Variants in CSNK1A1 observed in about 807,000 individuals in gnomAD.
The protein encoded by CSNK1A1 is casein kinase I isoform alpha.
Under a neutral mutation model 46.1 loss-of-function variants are expected in CSNK1A1, and 7 were observed. The observed-to-expected ratio is 0.15, with a 90% CI of 0.09 to 0.29. The LOEUF is 0.29. Among genes scored for constraint, CSNK1A1 ranks in the 10% least tolerant of loss-of-function variants. CSNK1A1 has a pLI of 1.00. For synonymous variants in CSNK1A1, 137 were observed against 141.5 expected (o/e 0.97, Z 0.23); for missense variants, 96 against 417.1 (o/e 0.23, Z 6.71).
intron 4 of CSNK1A1, among the ~76,000 whole-genome samples, chr5:149,515,317 A>G (rs1330433985): frequency 6.6e-6 from 1 of 152,212 alleles, no homozygotes; most frequent in African/African-American, 2.4e-5. Flanking sequence ...CTAAATCTAC[A>G]TTCAATAGCT....
intron 2 of CSNK1A1, among the ~76,000 whole-genome samples, chr5:149,533,932 C>T (rs373003013): frequency 3.9e-5 from 6 of 152,078 alleles, no homozygotes; most frequent in East Asian, 3.9e-4. Context: ...CTAGGGCTGA[C>T]GGGAAATGGA....
chr5:149,539,918 G>A (rs1762177957), intron 2 of CSNK1A1, among the ~76,000 whole-genome samples: 1 of 152,166 alleles, frequency 6.6e-6, no homozygotes, highest in East Asian at 1.9e-4. Context: ...GAGACCGTAT[G>A]CAATGCCTGG....
chr5:149,510,084 T>A, intron 6 of CSNK1A1, 131 bp from the exon 7 acceptor site: 2 of 607,194 alleles, frequency 3.3e-6, no homozygotes, highest in Non-Finnish European at 5.3e-6. Flanking sequence ...ATTTAAAAAA[T>A]CAAAGTATAA....
chr5:149,529,234 TA>T (rs1189749445), intron 2 of CSNK1A1, among the ~76,000 whole-genome samples: 1 of 152,138 alleles, frequency 6.6e-6, no homozygotes, highest in Non-Finnish European at 1.5e-5. Flanking sequence ...CAGTGTTACC[TA>T]AAACTAGGCT....
At chr5:149,545,364 C>T (rs538006797) in intron 2 of CSNK1A1, 18 of 428,150 alleles carry the variant, frequency 4.2e-5, no homozygotes, top group Non-Finnish European at 6.4e-5. Flanking sequence ...TCTGTCCTCA[C>T]GTTGGCAGAC....
At chr5:149,516,094 T>C (rs527545902) in intron 4 of CSNK1A1, among the ~76,000 whole-genome samples, 7 of 152,100 alleles carry the variant, frequency 4.6e-5, no homozygotes, top group Non-Finnish European at 1.0e-4. Context: ...CCAAGGCAGG[T>C]GGATCACTTG....
At chr5:149,545,286 T>G (rs1762441409) in intron 2 of CSNK1A1, 2 of 266,504 alleles carry the variant, frequency 7.5e-6, no homozygotes, top group African/African-American at 2.2e-5. Flanking sequence ...TCAGGTTTAT[T>G]TGTACTAATA....
intron 7 of CSNK1A1, among the ~76,000 whole-genome samples, chr5:149,508,125 A>T (rs1761093835): frequency 6.6e-6 from 1 of 152,178 alleles, no homozygotes; most frequent in Admixed American, 6.5e-5. Context: ...CAACCTTATG[A>T]TTGTAGAGTT....
At chr5:149,507,192 A>G (rs1271286418) in intron 7 of CSNK1A1, 59 bp from the exon 8 acceptor site, 3 of 1,326,740 alleles carry the variant, frequency 2.3e-6, no homozygotes, top group East Asian at 2.4e-5. Context: ...AGAAAAATAA[A>G]TGCATTTAAG....
intron 2 of CSNK1A1, among the ~76,000 whole-genome samples, chr5:149,537,145 G>A (rs1388259943): frequency 6.6e-6 from 1 of 152,170 alleles, no homozygotes; most frequent in East Asian, 1.9e-4. Context: ...GGAGGCTGAG[G>A]CAGGTGGATC....
At chr5:149,499,011 T>C in intron 9 of CSNK1A1, 2 of 985,450 alleles carry the variant, frequency 2.0e-6, no homozygotes, top group Non-Finnish European at 2.4e-6. Flanking sequence ...CAAATCCAGC[T>C]TTAACTCTTC....
At chr5:149,516,346 C>A (rs527687023) in intron 4 of CSNK1A1, among the ~76,000 whole-genome samples, 2 of 151,578 alleles carry the variant, frequency 1.3e-5, no homozygotes, top group Non-Finnish European at 2.9e-5. Flanking sequence ...AAAAACCCCC[C>A]AAAAAAAACA....
intron 2 of CSNK1A1, chr5:149,529,461 C>A: frequency 4.3e-6 from 1 of 230,380 alleles, no homozygotes; most frequent in Non-Finnish European, 8.9e-6. Flanking sequence ...GTCAATGAGG[C>A]TGACAAAAAA....
At chr5:149,498,497 A>G in intron 9 of CSNK1A1, 1 of 985,354 alleles carries the variant, frequency 1.0e-6, no homozygotes, top group Non-Finnish European at 1.2e-6. Context: ...AAATACAGGA[A>G]AAGTTTCAAG....
rs201948041 is a variant in CSNK1A1, at chr5:149,505,418, G to A, written c.1006+29C>T. The A allele has an allele frequency of 4.0e-3, 6,323 of 1,592,494 alleles. 10 individuals carry two copies. The highest frequency in any genetic ancestry group is 4.6e-3 in the Non-Finnish European group (5,425 of 1,167,030). The stretch of plus-strand genomic sequence containing the variant: ...CAATTTTGTATTCAATTTTTTCCCT[G>A]TAACGTCACTTGGTTCTTGGCTACT... On this transcript the variant is annotated intron_variant, in intron 9 of 9. Transcript: ENST00000377843.
intron 2 of CSNK1A1, among the ~76,000 whole-genome samples, chr5:149,539,468 T>TA (rs5872133): frequency 6.8e-4 from 93 of 137,450 alleles, no homozygotes; most frequent in South Asian, 4.0e-3. Flanking sequence ...ACCCAACTCT[T>TA]AAAAAAAAAA....
In CSNK1A1 at chr5:149,551,010, G is replaced by C. The variant is rs1762641792; in HGVS notation, c.-46C>G. 2 of 1,611,318 alleles carry C rather than the reference G, an allele frequency of 1.2e-6. No homozygotes were observed. Among genetic ancestry groups the C allele is most frequent in the Non-Finnish European group, 1.7e-6 (2 of 1,178,994 alleles). On this transcript the variant is annotated 5_prime_UTR_variant, in exon 1 of 10. Coordinates refer to ENST00000377843, the MANE Select transcript of CSNK1A1 (RefSeq NM_001892.6). ...GCTGGGGCCAAGCCCCGACACCTCT[G>C]GGAAGAGGACGGAGGCCTCGGGGCT... is the stretch of plus-strand genomic sequence containing the variant.
intron 2 of CSNK1A1, chr5:149,545,256 T>C: frequency 4.5e-6 from 1 of 223,308 alleles, no homozygotes; most frequent in Non-Finnish European, 8.8e-6. Context: ...AGAATTTTCT[T>C]TCTTTTTTTT....
At chr5:149,521,304 C>T (rs943663554) in intron 3 of CSNK1A1, among the ~76,000 whole-genome samples, 3 of 144,290 alleles carry the variant, frequency 2.1e-5, no homozygotes, top group African/African-American at 5.2e-5. Context: ...CAGGGTCTCA[C>T]TGTCACCTAG....
Sources: gnomAD v4.1 joint callset for allele counts (sites outside exome capture counted in the v4.1 genomes callset) on GRCh38, gnomAD v4.1.1 for gene constraint, MANE v1.5 for transcripts, NCBI Gene and HGNC (gene_info 2026-07-23, HGNC 2026-07-21) for gene names.